Variants in ITGA11 observed in about 807,000 individuals in gnomAD.
ITGA11 encodes integrin subunit alpha 11.
A neutral mutation model predicts 141.9 loss-of-function variants in ITGA11; 97 were observed. The observed-to-expected ratio is 0.68, with a 90% confidence interval of 0.58 to 0.81. The LOEUF (loss-of-function observed/expected upper bound fraction) is 0.81. Ranked by LOEUF, ITGA11 falls within the 30% of genes least tolerant of loss-of-function variation. The pLI, the probability that ITGA11 is intolerant of heterozygous loss-of-function variation, is 0.00. For missense variants in ITGA11, 1,387 were observed against 1,559.2 expected, an observed-to-expected ratio of 0.89 and a Z score of 1.86; for synonymous variants, 658 against 624.6, an observed-to-expected ratio of 1.05 and a Z score of -0.80.
chr15:68,359,322 A>G (rs1475214535), intron 5 of ITGA11, among the ~76,000 whole-genome samples: 3 of 152,208 alleles, frequency 2.0e-5, no homozygotes, highest in Non-Finnish European at 2.9e-5. Context: ...GCCTCTGAAT[A>G]TAAAGGTTTC....
chr15:68,425,938 C>T (rs1316337869), intron 1 of ITGA11, among the ~76,000 whole-genome samples: 3 of 152,216 alleles, frequency 2.0e-5, no homozygotes, highest in Non-Finnish European at 2.9e-5. Flanking sequence ...CTAATTCACC[C>T]CACATGCCAC....
intron 2 of ITGA11, among the ~76,000 whole-genome samples, chr15:68,385,262 C>T (rs1895957084): frequency 6.6e-6 from 1 of 151,990 alleles, no homozygotes; most frequent in African/African-American, 2.4e-5. Flanking sequence ...TGAGGAGCTA[C>T]TCGGACATGC....
chr15:68,352,137 G>T (rs1894934295), intron 7 of ITGA11, among the ~76,000 whole-genome samples: 1 of 150,968 alleles, frequency 6.6e-6, no homozygotes, highest in Admixed American at 6.6e-5. Flanking sequence ...TGATGTCCAG[G>T]CCTCAGCCAG....
chr15:68,421,311 A>G (rs1897011858), intron 1 of ITGA11, among the ~76,000 whole-genome samples: 1 of 151,516 alleles, frequency 6.6e-6, no homozygotes, highest in Admixed American at 6.6e-5. Flanking sequence ...GTGTTTGAAG[A>G]ACAGCCCGGA....
chr15:68,395,859 C>G (rs1896224759), intron 2 of ITGA11, among the ~76,000 whole-genome samples: 1 of 148,596 alleles, frequency 6.7e-6, no homozygotes, highest in African/African-American at 2.5e-5. Context: ...TACCCTAGAA[C>G]TTAAAGTATA....
chr15:68,402,708 G>A (rs888370201), intron 2 of ITGA11, among the ~76,000 whole-genome samples: 1 of 152,214 alleles, frequency 6.6e-6, no homozygotes, highest in African/African-American at 2.4e-5. Flanking sequence ...CAGATGAGAA[G>A]ATACAGGGCT....
At chr15:68,428,986 A>C (rs113326099) in intron 1 of ITGA11, among the ~76,000 whole-genome samples, 6 of 152,150 alleles carry the variant, frequency 3.9e-5, no homozygotes, top group African/African-American at 1.2e-4. Flanking sequence ...CTGATTCTTC[A>C]ATGTACTTCC....
intron 4 of ITGA11, among the ~76,000 whole-genome samples, chr15:68,364,013 G>A (rs761725197): frequency 1.3e-5 from 2 of 152,168 alleles, no homozygotes; most frequent in African/African-American, 2.4e-5. Flanking sequence ...GCTGAATCCC[G>A]GTGCCCAGCA....
intron 1 of ITGA11, among the ~76,000 whole-genome samples, chr15:68,405,159 C>CGTTTTTTTTTTTTTT (rs10647873): frequency 1.7e-5 from 2 of 118,940 alleles, no homozygotes. Context: ...CACTGTCTCC[C>CGTTTTTTTTTTTTTT]TTTTTTTTTT....
At chr15:68,396,774 T>C (rs1411258036) in intron 2 of ITGA11, among the ~76,000 whole-genome samples, 2 of 147,718 alleles carry the variant, frequency 1.4e-5, no homozygotes, top group African/African-American at 5.0e-5. Context: ...TATGTACTAG[T>C]AAAAAAGATT....
In ITGA11 at chr15:68,339,638, C is replaced by A. The variant is rs768313201; in HGVS notation, c.1138G>T (p.Val380Phe). ...TAGGCACCGACGGCTCCCAGCAGAACCCCATCCTGGCATTGGGGAGGGGAC... is the reference window on the plus strand; with the variant it reads ...TAGGCACCGACGGCTCCCAGCAGAAACCCATCCTGGCATTGGGGAGGGGAC... ...GFSSHVVEDG[V>F]LLGAVGAYDW... The change falls in exon 11 of 30, where the codon GTT becomes TTT. Residue 380 changes from valine to phenylalanine, a missense_variant. Transcript: ENST00000315757. 14 of 1,613,858 alleles carry A rather than the reference C, an allele frequency of 8.7e-6. No individual in the cohort carries two copies. The East Asian group carries it at 2.0e-4, about 23-fold the overall frequency.
In ITGA11 at chr15:68,299,016, G is replaced by A. The variant is rs1175670437; in HGVS notation, c.*4043C>T. ...GATGGTGCCGCTGCACTCTAGCCTGGGCAACAGAGTGAGACACTGTCTCAA... is the reference window on the plus strand; with the variant it reads ...GATGGTGCCGCTGCACTCTAGCCTGAGCAACAGAGTGAGACACTGTCTCAA... On this transcript the variant is annotated 3_prime_UTR_variant, in exon 30 of 30. Transcript: ENST00000315757. The A allele has an allele frequency of 2.0e-5, 3 of 152,210 alleles. No homozygotes were observed. In the East Asian group the frequency reaches 5.8e-4, roughly 29 times the overall value. The allele number at this position is 152,210 out of a possible 1,614,324, so 9.4% of individuals were successfully genotyped here.
intron 2 of ITGA11, among the ~76,000 whole-genome samples, chr15:68,384,682 T>G (rs1409703627): frequency 6.6e-6 from 1 of 152,254 alleles, no homozygotes; most frequent in Non-Finnish European, 1.5e-5. Flanking sequence ...CATCCTATCC[T>G]GGGCTTCGCT....
At chr15:68,402,589 A>C (rs1896536715) in intron 2 of ITGA11, among the ~76,000 whole-genome samples, 1 of 152,016 alleles carries the variant, frequency 6.6e-6, no homozygotes, top group African/African-American at 2.4e-5. Flanking sequence ...AGACACCCCC[A>C]GCAGCTCTCC....
intron 22 of ITGA11, among the ~76,000 whole-genome samples, chr15:68,314,265 G>A (rs1050408212): frequency 1.3e-5 from 2 of 152,212 alleles, no homozygotes; most frequent in African/African-American, 4.8e-5. Context: ...GCCCACGGAG[G>A]AGGGATGGTG....
At chr15:68,404,024 G>C (rs2140414677) in intron 1 of ITGA11, among the ~76,000 whole-genome samples, 1 of 152,242 alleles carries the variant, frequency 6.6e-6, no homozygotes, top group Middle Eastern at 3.4e-3. Flanking sequence ...TTCTACCAGG[G>C]AGAGACAGTT....
chr15:68,365,806 G>C (rs1288354490), intron 3 of ITGA11, among the ~76,000 whole-genome samples: 2 of 151,880 alleles, frequency 1.3e-5, no homozygotes, highest in Non-Finnish European at 2.9e-5. Flanking sequence ...CACCATCGTG[G>C]CTCACTGCAA....
Position 68,324,264 on chromosome 15 carries a change from G to A in ITGA11, c.2322+867C>T, listed in dbSNP as rs1366541103. On this transcript the variant is annotated intron_variant, in intron 18 of 29. Coordinates refer to ENST00000315757, the MANE Select transcript of ITGA11 (RefSeq NM_001004439.2). This position sits in a 1 kb window ranked among gnomAD's most constrained non-coding sequence, Gnocchi z 6.3. ...GGGAGGTTTTCAGGGGCATTGCTGT[G>A]GACTGTACGGTCCTTTCCTGGTGTT... 2.6e-5 allele frequency among the ~76,000 whole-genome samples: 4 copies of A among 152,042 alleles called. No individual in the cohort carries two copies. The highest frequency in any genetic ancestry group is 5.9e-5 in the Non-Finnish European group (4 of 68,010).
chr15:68,333,829 G>C lies in ITGA11; in HGVS notation c.1426-1351C>G, dbSNP rs1420800451. ...CCCTCCCCAGCCTCTGTCCCCACAA[G>C]CTCCTGCTCCCACTGCAGTGCTCCC... On this transcript the variant is annotated intron_variant, in intron 12 of 29. Coordinates refer to ENST00000315757, the MANE Select transcript of ITGA11 (RefSeq NM_001004439.2). The surrounding 1 kb of genome is among the most constrained non-coding windows in gnomAD (Gnocchi z 4.2). Among the ~76,000 whole-genome samples the C allele has an allele frequency of 1.3e-5, 2 of 152,122 alleles. No individual in the cohort carries two copies. Among genetic ancestry groups the C allele is most frequent in the Non-Finnish European group, 2.9e-5 (2 of 68,000 alleles).
Sources: allele counts gnomAD v4.1 joint callset (sites outside exome capture counted in the v4.1 genomes callset), GRCh38; gene constraint gnomAD v4.1.1; non-coding constraint Gnocchi (gnomAD v3.1); transcripts MANE v1.5; gene names NCBI Gene and HGNC (gene_info 2026-07-23, HGNC 2026-07-21).